The following ZBTB49 variants were observed in gnomAD, a reference collection of about 807,000 sequenced individuals.
ZBTB49 encodes zinc finger and BTB domain-containing protein 49.
In ZBTB49, 43 loss-of-function variants were observed where a neutral mutation model predicts 57.5. The ratio of observed to expected loss-of-function variants is 0.75; its 90% CI spans 0.59 to 0.97. The LOEUF is 0.97. Ranked by LOEUF, ZBTB49 falls within the 50% of genes least tolerant of loss-of-function variation. The pLI is 0.00. For missense variants in ZBTB49, 938 were observed against 947.7 expected (o/e 0.99, Z 0.13); for synonymous variants, 369 against 362.1 (o/e 1.02, Z -0.22).
chr4:4,305,428 G>A (rs930056077), intron 3 of ZBTB49, among the ~76,000 whole-genome samples: 6 of 152,184 alleles, frequency 3.9e-5, no homozygotes, highest in African/African-American at 1.4e-4. Flanking sequence ...ATAGATTAAA[G>A]GCAGTACCAT....
In ZBTB49 at chr4:4,315,924, C is replaced by G; in HGVS notation, c.1575C>G (p.His525Gln). ...SFNMQRKLVK[H>Q]RIRHTGERPY... ...ATATGCAAAGGAAGTTAGTAAAGCACAGAATTCGGCACACGGGGGAGCGGC... is the reference window on the plus strand; with the variant it reads ...ATATGCAAAGGAAGTTAGTAAAGCAGAGAATTCGGCACACGGGGGAGCGGC... Residue 525 changes from histidine (H) to glutamine (Q), a missense_variant, in exon 7 of 8, where the codon CAC (histidine) becomes CAG (glutamine). His to Gln is a conservative substitution (Grantham distance 24, BLOSUM62 0). Coordinates refer to ENST00000337872, the MANE Select transcript of ZBTB49 (RefSeq NM_145291.4). 6.2e-7 allele frequency: 1 copy of G among 1,614,126 alleles called. No individual in the cohort carries two copies. The highest frequency in any genetic ancestry group is 8.5e-7 in the Non-Finnish European group (1 of 1,180,046).
At chr4:4,308,437 A>G (rs1053632046) in intron 4 of ZBTB49, among the ~76,000 whole-genome samples, 4 of 152,152 alleles carry the variant, frequency 2.6e-5, no homozygotes, top group Admixed American at 6.5e-5. Context: ...GAGAACCACC[A>G]CTATAGCTCT....
At position 4,321,325 on chromosome 4, in the gene ZBTB49, G is replaced by A. The variant is rs955147673; in HGVS notation, c.*9G>A. The A allele has an allele frequency of 1.9e-6, 3 of 1,605,702 alleles. No homozygotes were observed. The highest frequency in any genetic ancestry group is 2.2e-5 in the East Asian group (1 of 44,890). ...ACGAGTTAGACCAGTGATGTACCGC[G>A]CTTCTCCACGGTAGAGGCGTGTTCT... On this transcript the variant is annotated 3_prime_UTR_variant, in exon 8 of 8. Coordinates refer to ENST00000337872, the MANE Select transcript of ZBTB49 (RefSeq NM_145291.4).
chr4:4,300,198 T>C, intron 2 of ZBTB49, 101 bp downstream of exon 2: 1 of 1,297,412 alleles, frequency 7.7e-7, no homozygotes, highest in Non-Finnish European at 1.1e-6. Context: ...TCACTATCTT[T>C]ATCTTTTATA....
In ZBTB49 at chr4:4,294,275, A is replaced by G. The variant is rs149669828; in HGVS notation, c.-20+3923A>G. ...TTTTAATAACCTTATTGGGGTTTCC[A>G]GACCTTTTTATAACCTTACTGGGGA... On this transcript the variant is annotated intron_variant, in intron 1 of 7. Transcript: ENST00000337872. Among the ~76,000 whole-genome samples the G allele has an allele frequency of 6.6e-5, 10 of 152,250 alleles. No individual in the cohort carries two copies. In the East Asian group the frequency reaches 1.9e-3, roughly 29 times the overall value.
chr4:4,310,654 C>G (rs1229716423), intron 4 of ZBTB49, among the ~76,000 whole-genome samples: 1 of 150,286 alleles, frequency 6.7e-6, no homozygotes, highest in Admixed American at 6.7e-5. Flanking sequence ...GGACTACAGG[C>G]GCCCGCCACC....
At chr4:4,318,682 G>A (rs895474208) in intron 7 of ZBTB49, among the ~76,000 whole-genome samples, 1 of 152,182 alleles carries the variant, frequency 6.6e-6, no homozygotes, top group Non-Finnish European at 1.5e-5. Context: ...CAGCCACCGT[G>A]TGCAGCAGTG....
In ZBTB49 at chr4:4,318,129, G is replaced by A. The variant is rs75565193; in HGVS notation, c.1621+2159G>A. 7.4e-3 allele frequency among the ~76,000 whole-genome samples: 1,120 copies of A among 152,218 alleles called. 16 individuals are homozygous for A. Among genetic ancestry groups the A allele is most frequent in the African/African-American group, 0.025 (1,033 of 41,542 alleles). Reference sequence around the variant, plus strand: ...GGCGTCATTCCCCTGTGCCCTCCTCGCGATGGGACACAGGTGGAGCCAAGC... The same window carrying A: ...GGCGTCATTCCCCTGTGCCCTCCTCACGATGGGACACAGGTGGAGCCAAGC... On this transcript the variant is annotated intron_variant, in intron 7 of 7. Coordinates refer to ENST00000337872, the MANE Select transcript of ZBTB49 (RefSeq NM_145291.4).
chr4:4,294,871 T>TTGTG (rs1560103816), intron 1 of ZBTB49, among the ~76,000 whole-genome samples: 1 of 83,884 alleles, frequency 1.2e-5, no homozygotes, highest in East Asian at 3.2e-4. Context: ...GAGGAGGGTT[T>TTGTG]CGTGTGTGTG....
At chr4:4,296,441 G>A (rs1295925707) in intron 1 of ZBTB49, among the ~76,000 whole-genome samples, 5 of 152,214 alleles carry the variant, frequency 3.3e-5, no homozygotes, top group Non-Finnish European at 5.9e-5. Flanking sequence ...GACAGTGAAT[G>A]AGATCTGATA....
At chr4:4,299,147 T>G (rs955768748) in intron 1 of ZBTB49, among the ~76,000 whole-genome samples, 1 of 152,124 alleles carries the variant, frequency 6.6e-6, no homozygotes. Context: ...CTCTAGGATG[T>G]CATCTCCTGC....
In ZBTB49 at chr4:4,321,591, A is replaced by G. The variant is rs1378404802; in HGVS notation, c.*275A>G. The stretch of plus-strand genomic sequence containing the variant: ...CTCAGCAGCCTCAGCTGTGGGGGGG[A>G]AGCGCGTGTGCATCGTGTCAACTAC... On this transcript the variant is annotated 3_prime_UTR_variant, in exon 8 of 8. Coordinates refer to ENST00000337872, the MANE Select transcript of ZBTB49 (RefSeq NM_145291.4). 1 of 507,960 alleles carries G rather than the reference A, an allele frequency of 2.0e-6. No homozygotes were observed. Among genetic ancestry groups the G allele is most frequent in the African/African-American group, 1.9e-5 (1 of 52,024 alleles). 31.5% of individuals were successfully genotyped at this position (507,960 alleles called of 1,614,324 possible). A position where few individuals can be genotyped will look rare whatever the true frequency, so the allele number is the denominator to read the frequency against.
At chr4:4,303,772 C>T (rs796204632) in intron 3 of ZBTB49, among the ~76,000 whole-genome samples, 1 of 57,466 alleles carries the variant, frequency 1.7e-5, no homozygotes, top group African/African-American at 5.3e-5. Context: ...GTGTGTGTGT[C>T]TCTCTCTCTC....
chr4:4,318,960 A>G (rs1417466410), intron 7 of ZBTB49, among the ~76,000 whole-genome samples: 2 of 144,704 alleles, frequency 1.4e-5, no homozygotes, highest in African/African-American at 5.2e-5. Flanking sequence ...GTGCGATCAC[A>G]GCTCACTGCA....
chr4:4,318,386 C>T (rs899099350), intron 7 of ZBTB49, among the ~76,000 whole-genome samples: 1 of 152,188 alleles, frequency 6.6e-6, no homozygotes, highest in Non-Finnish European at 1.5e-5. Context: ...GAGGCCGAGG[C>T]AGGTGGATCA....
At chr4:4,295,839 GA>G (rs1720172066) in intron 1 of ZBTB49, among the ~76,000 whole-genome samples, 1 of 152,204 alleles carries the variant, frequency 6.6e-6, no homozygotes, top group Admixed American at 6.5e-5. Flanking sequence ...AGGGGAATCA[GA>G]ATAAGGTCTC....
chr4:4,307,961 A>C (rs1205742739), intron 4 of ZBTB49, among the ~76,000 whole-genome samples: 1 of 152,182 alleles, frequency 6.6e-6, no homozygotes, highest in Non-Finnish European at 1.5e-5. Flanking sequence ...TTAAAACCCG[A>C]CATTCAGTCA....
At chr4:4,294,243 C>T (rs1720082014) in intron 1 of ZBTB49, among the ~76,000 whole-genome samples, 1 of 152,024 alleles carries the variant, frequency 6.6e-6, no homozygotes, top group African/African-American at 2.4e-5. Flanking sequence ...ATTGGGGTTT[C>T]CAGACCTTTT....
At chr4:4,290,796 A>C (rs1719860214) in intron 1 of ZBTB49, among the ~76,000 whole-genome samples, 1 of 152,228 alleles carries the variant, frequency 6.6e-6, no homozygotes, top group Non-Finnish European at 1.5e-5. Context: ...GCTCAGTTTC[A>C]TTACGGTGTG....
Sources: allele counts gnomAD v4.1 joint callset (sites outside exome capture counted in the v4.1 genomes callset), GRCh38; gene constraint gnomAD v4.1.1; transcripts MANE v1.5; gene names NCBI Gene and HGNC (gene_info 2026-07-23, HGNC 2026-07-21).